LAMA4: variants seen among roughly 807,000 people sequenced by gnomAD.
The protein encoded by LAMA4 is laminin subunit alpha-4.
A neutral mutation model predicts 207.1 loss-of-function variants in LAMA4; 127 were observed. The ratio of observed to expected loss-of-function variants is 0.61; its 90% CI spans 0.53 to 0.71. The LOEUF is 0.71. Ranked by LOEUF, LAMA4 falls within the 30% of genes least tolerant of loss-of-function variation. The pLI, the probability that LAMA4 is intolerant of heterozygous loss-of-function variation, is 0.00. For missense variants in LAMA4, 2,093 were observed against 2,246.5 expected (o/e 0.93, Z 1.38); for synonymous variants, 761 against 816.0 (o/e 0.93, Z 1.15).
At chr6:112,253,727 AC>A in intron 2 of LAMA4, 1 of 1,610,744 alleles carries the variant, frequency 6.2e-7, no homozygotes, top group Non-Finnish European at 8.5e-7. Flanking sequence ...ATGCACTCTC[AC>A]CCCTTTGAGC....
At chr6:112,142,045 G>T in intron 20 of LAMA4, 74 bp downstream of exon 20, 1 of 1,503,112 alleles carries the variant, frequency 6.7e-7, no homozygotes, top group African/African-American at 1.4e-5. Context: ...TGCCTAGGTG[G>T]CTTTATTTTA....
At position 112,108,474 on chromosome 6, in the gene LAMA4, A is replaced by G. The variant is rs587720600; in HGVS notation, c.*963T>C. ...CTGTTGCCCAGGCTGGAGTGCAGGT[A>G]CAGTCAGCAGTCATAGCTCACTGCA... On this transcript the variant is annotated 3_prime_UTR_variant, in exon 39 of 39. Transcript: ENST00000230538. Among the ~76,000 whole-genome samples, 6 of 152,068 alleles carry G rather than the reference A, an allele frequency of 3.9e-5. No homozygotes were observed. In the South Asian group the frequency reaches 8.3e-4, roughly 21 times the overall value.
chr6:112,116,103 T>C, intron 35 of LAMA4, 110 bp from the exon 36 acceptor site: 1 of 1,099,012 alleles, frequency 9.1e-7, no homozygotes, highest in South Asian at 1.3e-5. Context: ...GTTTGATGCA[T>C]TTTTTAACAG....
intron 2 of LAMA4, among the ~76,000 whole-genome samples, chr6:112,238,446 A>G (rs1272183456): frequency 6.6e-6 from 1 of 152,184 alleles, no homozygotes; most frequent in Non-Finnish European, 1.5e-5. Context: ...ATGGTGGCTC[A>G]TGCCTGTAAT....
intron 38 of LAMA4, among the ~76,000 whole-genome samples, chr6:112,112,201 T>A (rs1295568692): frequency 6.6e-6 from 1 of 152,060 alleles, no homozygotes; most frequent in Non-Finnish European, 1.5e-5. Context: ...CTGAGCTGAG[T>A]CCTAAAGGTC....
At chr6:112,224,247 G>C (rs1785078163) in intron 2 of LAMA4, among the ~76,000 whole-genome samples, 1 of 151,708 alleles carries the variant, frequency 6.6e-6, no homozygotes, top group Admixed American at 6.6e-5. Flanking sequence ...TATCCTCCAA[G>C]AATATCCTCC....
rs587751148 is a variant in LAMA4, at chr6:112,109,142, C to T, written c.*295G>A. ...TGTGTGCAAGTGTTTATTTGGAATC[C>T]CTTCTATTTTATTAGAAACAGAAAC... On this transcript the variant is annotated 3_prime_UTR_variant, in exon 39 of 39. Coordinates refer to ENST00000230538, the MANE Select transcript of LAMA4 (RefSeq NM_001105206.3). 1.8e-5 allele frequency: 7 copies of T among 399,448 alleles called. No individual in the cohort carries two copies. Among genetic ancestry groups the T allele is most frequent in the African/African-American group, 1.4e-4 (7 of 49,446 alleles). The allele number at this position is 399,448 out of a possible 1,614,324, so 24.7% of individuals were successfully genotyped here.
rs1781504973 is a variant in LAMA4, at chr6:112,168,243, A to ATT, written c.1552-2968_1552-2967insAA. ...TGACTCCTAGACAGGAACATAGAAG[A>ATT]ATATATGCTTAGTGTGATGAAGCCT... On this transcript the variant is annotated intron_variant, in intron 12 of 38. Transcript: ENST00000230538. Among the ~76,000 whole-genome samples the ATT allele has an allele frequency of 2.6e-5, 4 of 151,336 alleles. No individual in the cohort carries two copies. In the South Asian group the frequency reaches 8.3e-4, roughly 32 times the overall value.
chr6:112,208,068 T>TA (rs1362145040), intron 3 of LAMA4, among the ~76,000 whole-genome samples: 1 of 152,242 alleles, frequency 6.6e-6, no homozygotes, highest in Non-Finnish European at 1.5e-5. Context: ...TCTATGGGAC[T>TA]ATACTAGTGG....
At chr6:112,245,894 ATTTG>A (rs1299430894) in intron 2 of LAMA4, among the ~76,000 whole-genome samples, 3 of 152,262 alleles carry the variant, frequency 2.0e-5, no homozygotes, top group Middle Eastern at 3.4e-3. Flanking sequence ...TTTTAACAGA[ATTTG>A]TTTATGTATT....
In LAMA4 at chr6:112,187,594, A is replaced by G. The variant is rs1554347191; in HGVS notation, c.822T>C (p.Asp274=). The G allele has an allele frequency of 6.2e-7, 1 of 1,613,940 alleles. No individual in the cohort carries two copies. The highest frequency in any genetic ancestry group is 1.1e-5 in the South Asian group (1 of 91,010). The part of the protein sequence containing the change: ...TGMDCPTISC[D]KCVWDLTDDL... The stretch of plus-strand genomic sequence containing the variant: ...CATCAGTCAGGTCCCAGACGCACTT[A>G]TCACAGCCTGGAGGTGAAACATTTC... Residue 274 remains aspartate (D), a synonymous_variant, in exon 8 of 39, where the codon GAT becomes GAC. Coordinates refer to ENST00000230538, the MANE Select transcript of LAMA4 (RefSeq NM_001105206.3).
In LAMA4 at chr6:112,150,564, G is replaced by A; in HGVS notation, c.2120C>T (p.Ala707Val). The change falls in exon 17 of 39, where the codon GCC becomes GTC. Residue 707 changes from alanine (A) to valine (V), a missense_variant. Ala to Val is a moderately conservative substitution (Grantham distance 64). This residue lies in a region of LAMA4 where 1,704 missense variants were observed against 1,788.4 expected (regional missense o/e 0.95). Transcript: ENST00000230538. ...GGCATCACTGAGTCTGGTTTTAAGGGCACTTTTCCTTGCTAGGGCTCCACC... is the reference window on the plus strand; with the variant it reads ...GGCATCACTGAGTCTGGTTTTAAGGACACTTTTCCTTGCTAGGGCTCCACC... Reference protein sequence around the residue: ...RVGGALARKSALKTRLSDAVK... With the variant: ...RVGGALARKSVLKTRLSDAVK... 2 of 1,613,974 alleles carry A rather than the reference G, an allele frequency of 1.2e-6. No homozygotes were observed. The highest frequency in any genetic ancestry group is 1.3e-5 in the African/African-American group (1 of 74,996).
In LAMA4 at chr6:112,114,774, C is replaced by T; in HGVS notation, c.5113-18G>A. Reference sequence around the variant, plus strand: ...ACTATGACCTGCAAAAGATAGGACACATTGTATGATTTAGTTTGTCCTCAT... The same window carrying T: ...ACTATGACCTGCAAAAGATAGGACATATTGTATGATTTAGTTTGTCCTCAT... On this transcript the variant is annotated intron_variant, in intron 36 of 38. Coordinates refer to ENST00000230538, the MANE Select transcript of LAMA4 (RefSeq NM_001105206.3). The T allele has an allele frequency of 1.3e-6, 2 of 1,525,740 alleles. No homozygotes were observed. The allele number at this position is 1,525,740 out of a possible 1,614,324, so 94.5% of individuals were successfully genotyped here. A position where few individuals can be genotyped will look rare whatever the true frequency, so the allele number is the denominator to read the frequency against.
chr6:112,136,074 T>A, intron 25 of LAMA4, 49 bp downstream of exon 25: 1 of 1,556,898 alleles, frequency 6.4e-7, no homozygotes, highest in Non-Finnish European at 8.8e-7. Flanking sequence ...TCAACAGATC[T>A]AAGTATAAAG....
chr6:112,185,470 G>A (rs1373448569), intron 8 of LAMA4, 123 bp from the exon 9 acceptor site: 1 of 690,002 alleles, frequency 1.4e-6, no homozygotes, highest in Non-Finnish European at 2.6e-6. Context: ...CAAAATAGTG[G>A]GGTCCGCAGG....
rs1460959002 is a variant in LAMA4, at chr6:112,178,250, A to T, written c.1078-18T>A. 1.3e-6 allele frequency: 2 copies of T among 1,549,746 alleles called. No individual in the cohort carries two copies. The highest frequency in any genetic ancestry group is 1.8e-6 in the Non-Finnish European group (2 of 1,121,694). On this transcript the variant is annotated intron_variant, in intron 9 of 38. Transcript: ENST00000230538. ...TGATTTTCCTACAAATAATCCGTAT[A>T]AAGGCTAGATTAAATGTATGAGAAA... is the stretch of plus-strand genomic sequence containing the variant.
intron 4 of LAMA4, 108 bp from the exon 5 acceptor site, chr6:112,201,796 G>T: frequency 1.1e-6 from 1 of 904,004 alleles, no homozygotes; most frequent in Non-Finnish European, 1.8e-6. Context: ...GTTCTAATGG[G>T]TGCAATCATT....
intron 8 of LAMA4, chr6:112,187,010 TG>T: frequency 2.4e-6 from 1 of 418,996 alleles, no homozygotes. Flanking sequence ...GGGTGGGTGG[TG>T]GGGTGAGGAG....
intron 7 of LAMA4, chr6:112,188,872 A>C (rs1369031871): frequency 1.8e-5 from 9 of 493,684 alleles, no homozygotes; most frequent in Non-Finnish European, 2.6e-5. Context: ...TAAGATTCTG[A>C]ATGTAAAGAC....
Sources: allele counts gnomAD v4.1 joint callset (sites outside exome capture counted in the v4.1 genomes callset), GRCh38; gene constraint gnomAD v4.1.1; regional missense constraint gnomAD v4.1.1; transcripts MANE v1.5; gene names NCBI Gene and HGNC (gene_info 2026-07-23, HGNC 2026-07-21).